The following GPA33 variants were observed in gnomAD, a reference collection of about 807,000 sequenced individuals.
The protein encoded by GPA33 is glycoprotein A33, also known as cell surface A33 antigen.
Under a neutral mutation model 35.6 loss-of-function variants are expected in GPA33, and 27 were observed. The observed-to-expected ratio is 0.76, with a 90% CI of 0.56 to 1.04. GPA33 has a LOEUF of 1.04. Among genes scored for constraint, GPA33 ranks in the 50% least tolerant of loss-of-function variants. The pLI is 0.00. For missense variants in GPA33, 428 were observed against 411.9 expected, an observed-to-expected ratio of 1.04 and a Z score of -0.34; for synonymous variants, 176 against 164.0, an observed-to-expected ratio of 1.07 and a Z score of -0.56.
intron 1 of GPA33, among the ~76,000 whole-genome samples, chr1:167,084,389 TG>T (rs911885433): frequency 1.5e-4 from 23 of 152,194 alleles, no homozygotes; most frequent in Admixed American, 7.9e-4. Flanking sequence ...AATTTGTAGG[TG>T]GGGGATAAAG....
chr1:167,066,327 A>G (rs1459824896), intron 3 of GPA33, among the ~76,000 whole-genome samples: 1 of 152,240 alleles, frequency 6.6e-6, no homozygotes, highest in East Asian at 1.9e-4. Context: ...AAAAACTGTT[A>G]TAGCTTTGCT....
chr1:167,063,674 A>C lies in GPA33; in HGVS notation c.479T>G (p.Leu160Arg). 6.2e-7 allele frequency: 1 copy of C among 1,613,594 alleles called. No homozygotes were observed. Among genetic ancestry groups the C allele is most frequent in the Non-Finnish European group, 8.5e-7 (1 of 1,179,980 alleles). ...GETIIGNNIQ[L>R]TCQSKEGSPT... is the part of the protein sequence containing the mutation. ...TGAGCCCTCCTTTGATTGGCAGGTC[A>C]GCTGGATGTTGTTCCCAATTATGGT... The change falls in exon 4 of 7, where the codon CTG (leucine) becomes CGG (arginine). Residue 160 changes from leucine to arginine, a missense_variant. Physicochemically the swap from Leu to Arg is moderately radical, Grantham distance 102. Transcript: ENST00000367868.
intron 1 of GPA33, chr1:167,082,293 CT>C: frequency 2.2e-6 from 1 of 456,194 alleles, no homozygotes; most frequent in Non-Finnish European, 4.4e-6. Flanking sequence ...TCTATGTGTA[CT>C]TTTATTTCCC....
At chr1:167,056,414 TG>T (rs1484526883) in intron 4 of GPA33, among the ~76,000 whole-genome samples, 1 of 151,660 alleles carries the variant, frequency 6.6e-6, no homozygotes, top group Non-Finnish European at 1.5e-5. Context: ...GAGAGGTGTG[TG>T]GGGTGTATGT....
intron 3 of GPA33, among the ~76,000 whole-genome samples, chr1:167,068,163 G>A (rs149679318): frequency 5.3e-5 from 8 of 151,908 alleles, no homozygotes; most frequent in South Asian, 2.1e-4. Context: ...AAAAGGAAGA[G>A]GGAAAAAAGA....
chr1:167,081,804 C>T (rs1201926305), intron 1 of GPA33, among the ~76,000 whole-genome samples: 2 of 152,200 alleles, frequency 1.3e-5, no homozygotes, highest in Non-Finnish European at 2.9e-5. Context: ...CCTGGGGCAG[C>T]GTCTGAGTCT....
chr1:167,083,037 A>T (rs1666982678), intron 1 of GPA33, among the ~76,000 whole-genome samples: 1 of 152,058 alleles, frequency 6.6e-6, no homozygotes, highest in Admixed American at 6.5e-5. Context: ...AGTGCTGCCA[A>T]CCCGGGGTGG....
chr1:167,079,161 G>A (rs2102198261), intron 1 of GPA33, among the ~76,000 whole-genome samples: 1 of 152,168 alleles, frequency 6.6e-6, no homozygotes, highest in South Asian at 2.1e-4. Flanking sequence ...GACCTGTGAA[G>A]GAAGAAATAG....
chr1:167,071,956 A>G (rs1666730301), intron 2 of GPA33, among the ~76,000 whole-genome samples: 1 of 152,196 alleles, frequency 6.6e-6, no homozygotes, highest in African/African-American at 2.4e-5. Flanking sequence ...TCAGGCAGAG[A>G]CCTCAAGTCT....
At chr1:167,070,455 A>C (rs1666696025) in intron 2 of GPA33, among the ~76,000 whole-genome samples, 1 of 152,204 alleles carries the variant, frequency 6.6e-6, no homozygotes, top group Non-Finnish European at 1.5e-5. Context: ...AGGCACCAAG[A>C]AGTTAAAGGC....
At chr1:167,081,304 G>A (rs1666939532) in intron 1 of GPA33, among the ~76,000 whole-genome samples, 1 of 152,194 alleles carries the variant, frequency 6.6e-6, no homozygotes, top group Admixed American at 6.5e-5. Context: ...CACGTTCTTA[G>A]GGAGGAGATT....
At chr1:167,080,098 C>T (rs115866992) in intron 1 of GPA33, among the ~76,000 whole-genome samples, 160 of 152,250 alleles carry the variant, frequency 1.1e-3, no homozygotes, top group African/African-American at 3.6e-3. Context: ...AGAGCCCACC[C>T]TCCTCCCAGT....
intron 1 of GPA33, among the ~76,000 whole-genome samples, chr1:167,086,097 G>A (rs944937177): frequency 6.6e-6 from 1 of 152,226 alleles, no homozygotes; most frequent in Non-Finnish European, 1.5e-5. Context: ...TTGAGGCTGG[G>A]ACTGAGACTA....
intron 1 of GPA33, 106 bp downstream of exon 1, chr1:167,090,139 T>G: frequency 1.2e-6 from 1 of 829,878 alleles, no homozygotes; most frequent in Non-Finnish European, 2.1e-6. Context: ...GCAGCTGTGT[T>G]GCTGGAGGCC....
chr1:167,082,297 T>A, intron 1 of GPA33: 1 of 456,300 alleles, frequency 2.2e-6, no homozygotes, highest in Non-Finnish European at 4.4e-6. Flanking sequence ...TGTGTACTTT[T>A]ATTTCCCAAA....
chr1:167,057,088 A>G (rs1461528711), intron 4 of GPA33, among the ~76,000 whole-genome samples: 5 of 150,872 alleles, frequency 3.3e-5, no homozygotes, highest in African/African-American at 1.2e-4. Context: ...TTGGGGTGGG[A>G]CGGAGGCAGA....
intron 1 of GPA33, chr1:167,078,677 T>C (rs1300408013): frequency 6.6e-6 from 1 of 152,254 alleles, no homozygotes; most frequent in African/African-American, 2.4e-5. Flanking sequence ...CCGCTCTGTA[T>C]CGCACAACTT....
At chr1:167,059,326 C>T (rs917364683) in intron 4 of GPA33, among the ~76,000 whole-genome samples, 18 of 152,130 alleles carry the variant, frequency 1.2e-4, no homozygotes, top group Admixed American at 6.5e-5. Flanking sequence ...GCTGCAGTGG[C>T]GACACCTTGT....
chr1:167,081,343 C>T (rs1666941560), intron 1 of GPA33, among the ~76,000 whole-genome samples: 1 of 152,144 alleles, frequency 6.6e-6, no homozygotes. Flanking sequence ...CCAGCCAGCC[C>T]CAGGACCAAG....
Sources: gnomAD v4.1 joint callset for allele counts (sites outside exome capture counted in the v4.1 genomes callset) on GRCh38, gnomAD v4.1.1 for gene constraint, MANE v1.5 for transcripts, NCBI Gene and HGNC (gene_info 2026-07-23, HGNC 2026-07-21) for gene names.